HOOK3: variants seen among roughly 807,000 people sequenced by gnomAD.
HOOK3 encodes the protein protein Hook homolog 3.
Under a neutral mutation model 116.3 loss-of-function variants are expected in HOOK3, and 24 were observed. The ratio of observed to expected loss-of-function variants is 0.21; its 90% CI spans 0.15 to 0.29. The LOEUF is 0.29. Ranked by LOEUF, HOOK3 falls within the 10% of genes least tolerant of loss-of-function variation. HOOK3 has a pLI of 1.00. For missense variants in HOOK3, 632 were observed against 830.2 expected, an observed-to-expected ratio of 0.76 and a Z score of 2.93; for synonymous variants, 275 against 283.0, an observed-to-expected ratio of 0.97 and a Z score of 0.28.
Position 43,020,755 on chromosome 8 carries a change from C to T in HOOK3, c.*2257C>T, listed in dbSNP as rs1394631122. 2 of 179,904 alleles carry T rather than the reference C, an allele frequency of 1.1e-5. No homozygotes were observed. The highest frequency in any genetic ancestry group is 4.7e-5 in the African/African-American group (2 of 42,304). 11.1% of individuals were successfully genotyped at this position (179,904 alleles called of 1,614,324 possible). On this transcript the variant is annotated 3_prime_UTR_variant, in exon 22 of 22. Coordinates refer to ENST00000307602, the MANE Select transcript of HOOK3 (RefSeq NM_032410.4). ...AATCAATCAAATTGGAATATGAGCA[C>T]TAACCTTGGTAAGTTAAAATTTTGG...
At chr8:42,998,141 C>A in intron 16 of HOOK3, 1 of 171,040 alleles carries the variant, frequency 5.8e-6, no homozygotes, top group Non-Finnish European at 1.2e-5. Context: ...TCTGTCACAG[C>A]TCTGCACACT....
chr8:43,018,302 G>T, intron 21 of HOOK3, 56 bp from the exon 22 acceptor site: 3 of 1,484,500 alleles, frequency 2.0e-6, no homozygotes, highest in Non-Finnish European at 2.7e-6. Context: ...ATTTTCTTTT[G>T]TGAAGTATGT....
intron 4 of HOOK3, among the ~76,000 whole-genome samples, chr8:42,931,141 C>A (rs1756232621): frequency 6.6e-6 from 1 of 152,220 alleles, no homozygotes; most frequent in Non-Finnish European, 1.5e-5. Flanking sequence ...TCTGCTAAGT[C>A]CTTTTCTTCC....
At position 43,027,046 on chromosome 8, in the gene HOOK3, C is replaced by T. The variant is rs755096952; in HGVS notation, c.*8548C>T. On this transcript the variant is annotated 3_prime_UTR_variant, in exon 22 of 22. Coordinates refer to ENST00000307602, the MANE Select transcript of HOOK3 (RefSeq NM_032410.4). ...AGTTAGGATTACAGGTGCCCACCAC[C>T]ACGCCCAACTAATTTTTGTATTTTT... The T allele has an allele frequency of 2.7e-4, 50 of 182,242 alleles. No individual in the cohort carries two copies. Among genetic ancestry groups the T allele is most frequent in the Non-Finnish European group, 5.1e-4 (44 of 85,718 alleles). 11.3% of individuals were successfully genotyped at this position (182,242 alleles called of 1,614,324 possible).
intron 2 of HOOK3, among the ~76,000 whole-genome samples, chr8:42,909,151 A>G (rs1370723843): frequency 2.0e-5 from 3 of 152,224 alleles, no homozygotes; most frequent in Non-Finnish European, 4.4e-5. Context: ...AAAAGATGAA[A>G]GATACGTGTT....
chr8:42,998,695 T>C (rs945014568), intron 16 of HOOK3, among the ~76,000 whole-genome samples: 2 of 152,174 alleles, frequency 1.3e-5, no homozygotes, highest in African/African-American at 2.4e-5. Flanking sequence ...ATGTCCTTCA[T>C]TCTAACATGG....
chr8:42,906,216 ATT>A lies in HOOK3; in HGVS notation c.103_104del (p.Leu35AsnfsTer19). On this transcript the variant is annotated frameshift_variant, in exon 2 of 22. Coordinates refer to ENST00000307602, the MANE Select transcript of HOOK3 (RefSeq NM_032410.4). LOFTEE classifies it high-confidence loss of function. ...GATGCACCATGCCAGACCGTGGAAG[ATT>A]TAACGAATGGGGTTGTGATGGCCCA... 1 of 1,449,814 alleles carries A rather than the reference ATT, an allele frequency of 6.9e-7. No homozygotes were observed. Among genetic ancestry groups the A allele is most frequent in the Non-Finnish European group, 9.3e-7 (1 of 1,078,796 alleles). 89.8% of individuals were successfully genotyped at this position (1,449,814 alleles called of 1,614,324 possible).
rs1809875860 is a variant in HOOK3, at chr8:43,023,675, G to A, written c.*5177G>A. 1.1e-5 allele frequency: 2 copies of A among 178,570 alleles called. No homozygotes were observed. The highest frequency in any genetic ancestry group is 1.2e-5 in the Non-Finnish European group (1 of 83,280). 11.1% of individuals were successfully genotyped at this position (178,570 alleles called of 1,614,324 possible). ...GGGGTTTCACCATGTTGGCCAGGCT[G>A]GTCTCTAACTCCTGACCTCAGGTGA... On this transcript the variant is annotated 3_prime_UTR_variant, in exon 22 of 22. Coordinates refer to ENST00000307602, the MANE Select transcript of HOOK3 (RefSeq NM_032410.4).
chr8:43,006,947 T>C (rs1809503045), intron 17 of HOOK3, among the ~76,000 whole-genome samples: 1 of 151,702 alleles, frequency 6.6e-6, no homozygotes, highest in Non-Finnish European at 1.5e-5. Context: ...AATATCTCAC[T>C]TTCAGTTAAT....
At chr8:43,015,910 GT>G (rs970742297) in intron 21 of HOOK3, among the ~76,000 whole-genome samples, 2 of 150,364 alleles carry the variant, frequency 1.3e-5, no homozygotes, top group African/African-American at 4.9e-5. Context: ...TAGAGACAGG[GT>G]TTCACCATCT....
At chr8:42,940,284 A>G (rs1586601192) in intron 4 of HOOK3, among the ~76,000 whole-genome samples, 2 of 152,254 alleles carry the variant, frequency 1.3e-5, no homozygotes, top group African/African-American at 2.4e-5. Flanking sequence ...GCTGGAGACC[A>G]GCCCGGCCAA....
intron 2 of HOOK3, among the ~76,000 whole-genome samples, chr8:42,924,075 A>G (rs968309787): frequency 6.6e-6 from 1 of 152,184 alleles, no homozygotes; most frequent in Non-Finnish European, 1.5e-5. Flanking sequence ...AGTTACAGTA[A>G]AAGTTGAAAC....
chr8:42,897,269 G>A (rs1807018144), intron 1 of HOOK3, 81 bp downstream of exon 1: 3 of 998,888 alleles, frequency 3.0e-6, no homozygotes, highest in Non-Finnish European at 3.9e-6. Context: ...CCCGTGGGGC[G>A]AGCGCTGCGG....
intron 2 of HOOK3, among the ~76,000 whole-genome samples, chr8:42,913,881 TA>T (rs147258248): frequency 5.3e-5 from 8 of 150,668 alleles, no homozygotes; most frequent in African/African-American, 9.7e-5. Flanking sequence ...TGCCAGTCAT[TA>T]AAAAAAAAGA....
intron 13 of HOOK3, among the ~76,000 whole-genome samples, chr8:42,982,258 AAAAAAAAAAAAAG>A (rs574138625): frequency 0.015 from 2,312 of 149,180 alleles, 39 homozygotes; most frequent in Non-Finnish European, 0.022. Context: ...CTGTCTTAAA[AAAAAAAAAAAAAG>A]AAAAAAAAAA....
At chr8:42,950,811 G>A (rs1808324937) in intron 6 of HOOK3, among the ~76,000 whole-genome samples, 2 of 151,730 alleles carry the variant, frequency 1.3e-5, no homozygotes, top group Admixed American at 6.6e-5. Flanking sequence ...TCACTCTCCC[G>A]AATAGCTGGG....
chr8:43,000,436 C>G (rs757734268), intron 16 of HOOK3, among the ~76,000 whole-genome samples: 9 of 152,154 alleles, frequency 5.9e-5, no homozygotes, highest in Non-Finnish European at 1.3e-4. Flanking sequence ...AATTAAGATA[C>G]TCAAAGGATA....
chr8:42,919,540 T>A (rs1342433351), intron 2 of HOOK3, among the ~76,000 whole-genome samples: 1 of 150,980 alleles, frequency 6.6e-6, no homozygotes, highest in African/African-American at 2.4e-5. Flanking sequence ...CTAGACGGGG[T>A]GGCGGCCGGG....
chr8:42,980,283 T>A (rs1223794396), intron 13 of HOOK3, among the ~76,000 whole-genome samples: 1 of 152,148 alleles, frequency 6.6e-6, no homozygotes, highest in Non-Finnish European at 1.5e-5. Context: ...ATTTTAAGAA[T>A]CTAACCTGAA....
Sources: gnomAD v4.1 joint callset for allele counts (sites outside exome capture counted in the v4.1 genomes callset) on GRCh38, gnomAD v4.1.1 for gene constraint, MANE v1.5 for transcripts, NCBI Gene and HGNC (gene_info 2026-07-23, HGNC 2026-07-21) for gene names.